The following ADAMTS2 variants were observed in gnomAD, a reference collection of about 807,000 sequenced individuals.
The protein encoded by ADAMTS2 is A disintegrin and metalloproteinase with thrombospondin motifs 2.
In ADAMTS2, 50 loss-of-function variants were observed where a neutral mutation model predicts 123.0. The ratio of observed to expected loss-of-function variants is 0.41; its 90% CI spans 0.32 to 0.51. The LOEUF (loss-of-function observed/expected upper bound fraction) is 0.51, where lower values mean the gene tolerates loss of function less well. Ranked by LOEUF, ADAMTS2 falls within the 20% of genes least tolerant of loss-of-function variation. The pLI is 0.35. For missense variants in ADAMTS2, 1,494 were observed against 1,705.2 expected, an observed-to-expected ratio of 0.88 and a Z score of 2.18; for synonymous variants, 678 against 695.4, an observed-to-expected ratio of 0.98 and a Z score of 0.39.
intron 3 of ADAMTS2, among the ~76,000 whole-genome samples, chr5:179,223,022 A>C (rs1765160685): frequency 6.6e-6 from 1 of 152,220 alleles, no homozygotes. Flanking sequence ...CCCTGGGCCC[A>C]TGCCCTCCAC....
In ADAMTS2 at chr5:179,132,620, T is replaced by C. The variant is rs1379000848; in HGVS notation, c.2209+157A>G. On this transcript the variant is annotated intron_variant, in intron 14 of 21. Coordinates refer to ENST00000251582, the MANE Select transcript of ADAMTS2 (RefSeq NM_014244.5). This position sits in a 1 kb window ranked among gnomAD's most constrained non-coding sequence, Gnocchi z 6.1. The stretch of plus-strand genomic sequence containing the variant: ...CACCCAGCTGGGGCTGTCCCCGACT[T>C]AGGATTCTCCCTCCCCCTCAGTGTC... Among the ~76,000 whole-genome samples the C allele has an allele frequency of 6.6e-6, 1 of 151,278 alleles. No homozygotes were observed. Among genetic ancestry groups the C allele is most frequent in the African/African-American group, 2.4e-5 (1 of 41,262 alleles).
chr5:179,260,268 G>A lies in ADAMTS2; in HGVS notation c.688+12643C>T, dbSNP rs1409116922. ...TGTTGCTCCCGGAGTGAGCTCCTGGGCGACCGGGCTTCCTAGGCACTATGC... is the reference window on the plus strand; with the variant it reads ...TGTTGCTCCCGGAGTGAGCTCCTGGACGACCGGGCTTCCTAGGCACTATGC... On this transcript the variant is annotated intron_variant, in intron 3 of 21. Coordinates refer to ENST00000251582, the MANE Select transcript of ADAMTS2 (RefSeq NM_014244.5). This position sits in a 1 kb window ranked among gnomAD's most constrained non-coding sequence, Gnocchi z 4.2. Among the ~76,000 whole-genome samples, 1 of 152,208 alleles carries A rather than the reference G, an allele frequency of 6.6e-6. No individual in the cohort carries two copies. The highest frequency in any genetic ancestry group is 1.5e-5 in the Non-Finnish European group (1 of 68,040).
chr5:179,184,574 C>T (rs557655986), intron 4 of ADAMTS2, among the ~76,000 whole-genome samples: 8 of 151,622 alleles, frequency 5.3e-5, no homozygotes, highest in Non-Finnish European at 8.8e-5. Context: ...TGAGCCTAAG[C>T]GTGTAAATGT....
At chr5:179,143,798 C>T (rs1353187899) in intron 10 of ADAMTS2, among the ~76,000 whole-genome samples, 3 of 152,178 alleles carry the variant, frequency 2.0e-5, no homozygotes, top group South Asian at 4.1e-4. Context: ...TTGATTTCAT[C>T]GCCCATTTTT....
Position 179,188,874 on chromosome 5 carries a change from T to G in ADAMTS2, c.892-7719A>C, listed in dbSNP as rs34780896. Among the ~76,000 whole-genome samples, 3,836 of 152,268 alleles carry G rather than the reference T, an allele frequency of 0.025. 44 individuals are homozygous for G. Among genetic ancestry groups the G allele is most frequent in the Middle Eastern group, 0.044 (13 of 294 alleles). On this transcript the variant is annotated intron_variant, in intron 4 of 21. Coordinates refer to ENST00000251582, the MANE Select transcript of ADAMTS2 (RefSeq NM_014244.5). This position sits in a 1 kb window ranked among gnomAD's most constrained non-coding sequence, Gnocchi z 5.1. ...TCAAGAGATGTGCTGCACCCCTCAG[T>G]GTGGCACTCCAGCAGGCACGTTGAG...
At chr5:179,201,332 GT>G (rs1764559190) in intron 4 of ADAMTS2, among the ~76,000 whole-genome samples, 1 of 152,186 alleles carries the variant, frequency 6.6e-6, no homozygotes, top group Non-Finnish European at 1.5e-5. Flanking sequence ...GGAGAAATAA[GT>G]TTTGCTATGT....
chr5:179,323,305 C>G (rs1757234938), intron 2 of ADAMTS2, among the ~76,000 whole-genome samples: 1 of 152,242 alleles, frequency 6.6e-6, no homozygotes, highest in South Asian at 2.1e-4. Flanking sequence ...CCAGGGGCAG[C>G]AGTCCAGGAG....
At chr5:179,264,257 T>C (rs1283646396) in intron 3 of ADAMTS2, among the ~76,000 whole-genome samples, 2 of 152,046 alleles carry the variant, frequency 1.3e-5, no homozygotes, top group Non-Finnish European at 2.9e-5. Context: ...TTATGCAGGG[T>C]GCCCATGTCT....
intron 4 of ADAMTS2, among the ~76,000 whole-genome samples, chr5:179,190,597 C>A (rs1163761902): frequency 1.3e-5 from 2 of 152,160 alleles, no homozygotes; most frequent in Non-Finnish European, 2.9e-5. Context: ...TTGTCATACA[C>A]CAGGCCAGAC....
At chr5:179,178,429 G>T (rs1763977975) in intron 5 of ADAMTS2, among the ~76,000 whole-genome samples, 2 of 152,242 alleles carry the variant, frequency 1.3e-5, no homozygotes, top group African/African-American at 2.4e-5. Context: ...ACTGGCAGAG[G>T]ATGCCCTGCA....
intron 4 of ADAMTS2, among the ~76,000 whole-genome samples, chr5:179,183,730 G>A (rs953522945): frequency 4.6e-5 from 7 of 152,352 alleles, no homozygotes; most frequent in South Asian, 4.1e-4. Context: ...TGGCCTACAG[G>A]AGAGGAGGGC....
Position 179,175,127 on chromosome 5 carries a change from T to C in ADAMTS2, c.975+5945A>G, listed in dbSNP as rs193294732. 1.3e-5 allele frequency among the ~76,000 whole-genome samples: 2 copies of C among 151,256 alleles called. No individual in the cohort carries two copies. The highest frequency in any genetic ancestry group is 4.9e-5 in the African/African-American group (2 of 41,068). ...TCTCAGCCATTCTTGACTGTTCATG[T>C]TCCTTTGGAGGAAGTCTCTTCCTTG... On this transcript the variant is annotated intron_variant, in intron 5 of 21. Coordinates refer to ENST00000251582, the MANE Select transcript of ADAMTS2 (RefSeq NM_014244.5). This position sits in a 1 kb window ranked among gnomAD's most constrained non-coding sequence, Gnocchi z 4.1.
intron 3 of ADAMTS2, among the ~76,000 whole-genome samples, chr5:179,259,943 G>A (rs545626359): frequency 3.3e-5 from 5 of 152,330 alleles, no homozygotes; most frequent in Admixed American, 2.0e-4. Flanking sequence ...GATTTGCAGG[G>A]CACAGTGCAA....
In ADAMTS2 at chr5:179,132,921, G is replaced by A. The variant is rs1380909419; in HGVS notation, c.2086-21C>T. ...ACCTTCTGTTGGGGGAGGAGGCAGT[G>A]AGCACTTGAGACGTCCTGCTAGTAG... On this transcript the variant is annotated intron_variant, in intron 13 of 21. Coordinates refer to ENST00000251582, the MANE Select transcript of ADAMTS2 (RefSeq NM_014244.5). This position sits in a 1 kb window ranked among gnomAD's most constrained non-coding sequence, Gnocchi z 6.1. 17 of 1,612,294 alleles carry A rather than the reference G, an allele frequency of 1.1e-5. No homozygotes were observed. The highest frequency in any genetic ancestry group is 1.7e-5 in the Admixed American group (1 of 59,862).
intron 4 of ADAMTS2, among the ~76,000 whole-genome samples, chr5:179,206,072 T>C (rs1165381100): frequency 6.6e-6 from 1 of 152,166 alleles, no homozygotes; most frequent in Admixed American, 6.5e-5. Flanking sequence ...ATTATGATTA[T>C]TGCATTAAAG....
Position 179,285,288 on chromosome 5 carries a change from C to T in ADAMTS2, c.535-12224G>A, listed in dbSNP as rs563259467. 1.2e-4 allele frequency among the ~76,000 whole-genome samples: 18 copies of T among 152,098 alleles called. No homozygotes were observed. The highest frequency in any genetic ancestry group is 5.9e-4 in the Admixed American group (9 of 15,276). ...ACAATTCATGTGAAGACAGGAGAGA[C>T]GGAAAGGGGGAGAGCACAGAGAGAA... is the stretch of plus-strand genomic sequence containing the variant. On this transcript the variant is annotated intron_variant, in intron 2 of 21. Coordinates refer to ENST00000251582, the MANE Select transcript of ADAMTS2 (RefSeq NM_014244.5). The surrounding 1 kb of genome is among the most constrained non-coding windows in gnomAD (Gnocchi z 4.9).
intron 3 of ADAMTS2, among the ~76,000 whole-genome samples, chr5:179,208,700 C>T (rs1053455071): frequency 3.9e-5 from 6 of 152,186 alleles, no homozygotes; most frequent in East Asian, 1.9e-4. Context: ...CCTGCAGCAT[C>T]GATGGCAGCC....
At chr5:179,267,063 C>T (rs946563316) in intron 3 of ADAMTS2, among the ~76,000 whole-genome samples, 2 of 152,212 alleles carry the variant, frequency 1.3e-5, no homozygotes, top group African/African-American at 2.4e-5. Context: ...AGCTCTCTGC[C>T]TCCAGCCCTG....
intron 10 of ADAMTS2, among the ~76,000 whole-genome samples, chr5:179,148,364 G>C (rs902025020): frequency 6.6e-6 from 1 of 152,158 alleles, no homozygotes; most frequent in Non-Finnish European, 1.5e-5. Context: ...TTCTTCTCCA[G>C]GAACAGCCCC....
Sources: allele counts gnomAD v4.1 joint callset (sites outside exome capture counted in the v4.1 genomes callset), GRCh38; gene constraint gnomAD v4.1.1; non-coding constraint Gnocchi (gnomAD v3.1); transcripts MANE v1.5; gene names NCBI Gene and HGNC (gene_info 2026-07-23, HGNC 2026-07-21).